CDH23: variants seen among roughly 807,000 people sequenced by gnomAD.
The protein encoded by CDH23 is cadherin related 23, also known as cadherin-23.
CDH23 carries 189 observed loss-of-function variants against 317.1 expected under a neutral mutation model. The ratio of observed to expected loss-of-function variants is 0.60; its 90% CI spans 0.53 to 0.67. The LOEUF (loss-of-function observed/expected upper bound fraction) is 0.67, where lower values mean the gene tolerates loss of function less well. CDH23 is among the 30% of genes least tolerant of loss of function. CDH23 has a pLI of 0.00. For synonymous variants in CDH23, 1,839 were observed against 1,876.8 expected, an observed-to-expected ratio of 0.98 and a Z score of 0.52; for missense variants, 4,401 against 4,592.4, an observed-to-expected ratio of 0.96 and a Z score of 1.20.
At chr10:71,627,847 G>A (rs2132545587) in intron 11 of CDH23, among the ~76,000 whole-genome samples, 1 of 152,334 alleles carries the variant, frequency 6.6e-6, no homozygotes, top group East Asian at 1.9e-4. Context: ...CAAAGCAGTG[G>A]CGGGGCTTCC....
intron 1 of CDH23, among the ~76,000 whole-genome samples, chr10:71,428,810 A>C (rs1414923221): frequency 6.6e-6 from 1 of 151,442 alleles, no homozygotes; most frequent in African/African-American, 2.4e-5. Flanking sequence ...GACTGGTCTC[A>C]AACTCCTGAC....
chr10:71,534,455 C>A (rs3861029), intron 6 of CDH23, among the ~76,000 whole-genome samples: 29,203 of 152,076 alleles, frequency 0.19, 3,045 homozygotes, highest in African/African-American at 0.25. Context: ...TCCCCTTACT[C>A]AAGTCAGTCT....
In CDH23 at chr10:71,566,924, G is replaced by A. The variant is rs200200488; in HGVS notation, c.612G>A (p.Thr204=). Residue 204 remains threonine, a synonymous_variant, in exon 7 of 70, where the codon ACG becomes ACA. Transcript: ENST00000224721. ...DYETTQAYQL[T]VNATDQDKTR... ...AGACCACACAGGCCTACCAGCTCAC[G>A]GTCAACGCCACAGTGAGTCTCCATG... The A allele has an allele frequency of 7.1e-5, 115 of 1,612,536 alleles. No individual in the cohort carries two copies. Among genetic ancestry groups the A allele is most frequent in the Non-Finnish European group, 8.5e-5 (100 of 1,179,820 alleles).
At chr10:71,648,187 A>C in intron 14 of CDH23, among the ~76,000 whole-genome samples, 1 of 152,200 alleles carries the variant, frequency 6.6e-6, no homozygotes, top group Non-Finnish European at 1.5e-5. Flanking sequence ...TGACTCCTCC[A>C]GCTTTCACCA....
chr10:71,447,851 T>A (rs776685146), intron 3 of CDH23, among the ~76,000 whole-genome samples: 28 of 152,218 alleles, frequency 1.8e-4, no homozygotes, highest in Non-Finnish European at 2.9e-4. Flanking sequence ...AATTCACCTG[T>A]GACTCCTCTC....
intron 11 of CDH23, among the ~76,000 whole-genome samples, chr10:71,638,298 G>T (rs1360541322): frequency 6.6e-6 from 1 of 152,162 alleles, no homozygotes; most frequent in African/African-American, 2.4e-5. Flanking sequence ...TAACCCAGGG[G>T]CCACCCTGAC....
chr10:71,501,531 C>G (rs1853334736), intron 3 of CDH23, among the ~76,000 whole-genome samples: 1 of 152,208 alleles, frequency 6.6e-6, no homozygotes, highest in African/African-American at 2.4e-5. Flanking sequence ...AGAGCTCACT[C>G]TACTCCCTCT....
intron 44 of CDH23, 23 bp downstream of exon 44, chr10:71,785,761 GGAGT>G (rs763390458): frequency 1.3e-5 from 19 of 1,442,702 alleles, no homozygotes; most frequent in Non-Finnish European, 1.6e-5. Context: ...GGCACTGGTG[GGAGT>G]GGGCTGGGAG....
At chr10:71,646,771 T>C in intron 14 of CDH23, 154 bp downstream of exon 14, 4 of 1,588,312 alleles carry the variant, frequency 2.5e-6, no homozygotes, top group South Asian at 1.1e-5. Context: ...AATAAAGTTT[T>C]TGGACTCTTC....
chr10:71,563,274 G>T (rs114687625), intron 6 of CDH23, among the ~76,000 whole-genome samples: 46 of 152,094 alleles, frequency 3.0e-4, no homozygotes, highest in Non-Finnish European at 3.7e-4. Context: ...TGACCCCAAG[G>T]TTCCTTCCAG....
At chr10:71,664,802 A>G (rs1482472470) in intron 14 of CDH23, among the ~76,000 whole-genome samples, 2 of 150,744 alleles carry the variant, frequency 1.3e-5, no homozygotes, top group Non-Finnish European at 3.0e-5. Flanking sequence ...TCTTCCTTTG[A>G]TCTCCTCCCC....
intron 6 of CDH23, among the ~76,000 whole-genome samples, chr10:71,529,737 A>C (rs1168612753): frequency 6.6e-6 from 1 of 152,060 alleles, no homozygotes; most frequent in Non-Finnish European, 1.5e-5. Context: ...ACTCGCCCCC[A>C]GCTCCACCTG....
At chr10:71,539,580 A>G (rs377333286) in intron 6 of CDH23, among the ~76,000 whole-genome samples, 1 of 151,732 alleles carries the variant, frequency 6.6e-6, no homozygotes, top group Non-Finnish European at 1.5e-5. Context: ...TCAAAACCCA[A>G]TTTGTTCCTG....
intron 42 of CDH23, among the ~76,000 whole-genome samples, 194 bp downstream of exon 42, chr10:71,784,614 G>T (rs551157079): frequency 6.6e-6 from 1 of 152,126 alleles, no homozygotes; most frequent in Non-Finnish European, 1.5e-5. Context: ...GCCTTTCAGC[G>T]CCCCTCTGCA....
rs1840214871 is a variant in CDH23, at chr10:71,758,820, A to G, written c.4845+16899A>G. Among the ~76,000 whole-genome samples the G allele has an allele frequency of 1.1e-4, 16 of 152,316 alleles. No homozygotes were observed. In the South Asian group the frequency reaches 3.3e-3, roughly 32 times the overall value. Reference sequence around the variant, plus strand: ...GGTGGGAAGATCAATTGAGCCCAGGAGTTCAAGACCAGCCTGGGCAACATA... The same window carrying G: ...GGTGGGAAGATCAATTGAGCCCAGGGGTTCAAGACCAGCCTGGGCAACATA... On this transcript the variant is annotated intron_variant, in intron 38 of 69. Transcript: ENST00000224721.
intron 1 of CDH23, among the ~76,000 whole-genome samples, chr10:71,424,323 G>A (rs565403428): frequency 6.6e-6 from 1 of 152,236 alleles, no homozygotes; most frequent in Non-Finnish European, 1.5e-5. Context: ...GCTCCTTCTG[G>A]TCAAGCCCCC....
chr10:71,731,935 C>T, intron 31 of CDH23, 52 bp from the exon 32 acceptor site: 3 of 1,566,082 alleles, frequency 1.9e-6, no homozygotes, highest in Non-Finnish European at 2.6e-6. Flanking sequence ...AGCCACAGCG[C>T]AGCCCCACTC....
chr10:71,520,633 C>T (rs1471692629), intron 6 of CDH23, among the ~76,000 whole-genome samples: 1 of 152,244 alleles, frequency 6.6e-6, no homozygotes, highest in East Asian at 1.9e-4. Flanking sequence ...GGGTGCTCCC[C>T]TCTGGGCAGC....
At position 71,715,986 on chromosome 10, in the gene CDH23, G is replaced by C. The variant is rs897125581; in HGVS notation, c.3369+3173G>C. 6.7e-6 allele frequency: 10 copies of C among 1,492,474 alleles called. No homozygotes were observed. The African/African-American group carries it at 1.4e-4, about 21-fold the overall frequency. 92.5% of individuals were successfully genotyped at this position (1,492,474 alleles called of 1,614,324 possible). ...TCACAGTGGCTGCGGTTGTCCTCGG[G>C]GCCCGGCAGGGGCTGTCGAGGGACG... On this transcript the variant is annotated intron_variant, in intron 28 of 69. Coordinates refer to ENST00000224721, the MANE Select transcript of CDH23 (RefSeq NM_022124.6).
Sources: gnomAD v4.1 joint callset for allele counts (sites outside exome capture counted in the v4.1 genomes callset) on GRCh38, gnomAD v4.1.1 for gene constraint, MANE v1.5 for transcripts, NCBI Gene and HGNC (gene_info 2026-07-23, HGNC 2026-07-21) for gene names.